Variants in CDYL2 observed in about 807,000 individuals in gnomAD.
CDYL2 encodes the protein chromodomain Y-like protein 2.
CDYL2 carries 23 observed loss-of-function variants against 49.4 expected under a neutral mutation model. The ratio of observed to expected loss-of-function variants is 0.47; its 90% CI spans 0.34 to 0.66. The LOEUF (loss-of-function observed/expected upper bound fraction) is 0.66. Ranked by LOEUF, CDYL2 falls within the 30% of genes least tolerant of loss-of-function variation. The pLI is 0.01. For missense variants in CDYL2, 678 were observed against 656.4 expected, an observed-to-expected ratio of 1.03 and a Z score of -0.36; for synonymous variants, 360 against 268.8, an observed-to-expected ratio of 1.34 and a Z score of -3.32.
chr16:80,694,239 C>G (rs1910533065), intron 1 of CDYL2, among the ~76,000 whole-genome samples: 1 of 152,212 alleles, frequency 6.6e-6, no homozygotes, highest in Non-Finnish European at 1.5e-5. Context: ...CACTGCTGAT[C>G]TGGCAGGAGG....
In CDYL2 at chr16:80,651,884, T is replaced by C. The variant is rs78496803; in HGVS notation, c.617-18648A>G. On this transcript the variant is annotated intron_variant, in intron 2 of 6. Coordinates refer to ENST00000570137, the MANE Select transcript of CDYL2 (RefSeq NM_152342.4). ...GGAATTGAATGATTAAGTAAATGGA[T>C]TGCAGATGGTGGGACTTAGGTTTTC... Among the ~76,000 whole-genome samples the C allele has an allele frequency of 1.0e-3, 159 of 152,322 alleles. No individual in the cohort carries two copies. The East Asian group carries it at 0.024, about 23-fold the overall frequency.
At chr16:80,748,265 G>A (rs746226305) in intron 1 of CDYL2, among the ~76,000 whole-genome samples, 3 of 147,796 alleles carry the variant, frequency 2.0e-5, no homozygotes, top group Non-Finnish European at 4.5e-5. Context: ...GCTGGCTCAC[G>A]CCTGTAATCC....
chr16:80,791,280 G>A (rs1055740809), intron 1 of CDYL2, among the ~76,000 whole-genome samples: 12 of 152,184 alleles, frequency 7.9e-5, no homozygotes, highest in Non-Finnish European at 1.2e-4. Flanking sequence ...TTAAGCATCA[G>A]ACCAAAGAGA....
intron 3 of CDYL2, among the ~76,000 whole-genome samples, chr16:80,632,188 T>G (rs1045598207): frequency 1.3e-5 from 2 of 152,020 alleles, no homozygotes; most frequent in African/African-American, 2.4e-5. Context: ...ATAGAAAAGG[T>G]GATAGATAAA....
intron 2 of CDYL2, among the ~76,000 whole-genome samples, chr16:80,683,995 A>G (rs1438457067): frequency 6.6e-6 from 1 of 152,248 alleles, no homozygotes; most frequent in East Asian, 1.9e-4. Flanking sequence ...CATCCAACCT[A>G]GAGATAGCAG....
rs745896008 is a variant in CDYL2, at chr16:80,633,228, G to C, written c.625C>G (p.Leu209Val). ...TGCAGGTTCAATCCCCCGTTGGTCAGAGCAGAGCCTTCCAAAACCAGATAA... is the reference window on the plus strand; with the variant it reads ...TGCAGGTTCAATCCCCCGTTGGTCACAGCAGAGCCTTCCAAAACCAGATAA... ...TLAENGLGSA[L>V]TNGGLNLHSP... Residue 209 changes from leucine to valine, a missense_variant, in exon 3 of 7, where the codon CTG becomes GTG. By Grantham distance (32) the Leu-to-Val change is conservative. Transcript: ENST00000570137. 8 of 1,612,412 alleles carry C rather than the reference G, an allele frequency of 5.0e-6. No homozygotes were observed. Among genetic ancestry groups the C allele is most frequent in the Non-Finnish European group, 6.8e-6 (8 of 1,178,740 alleles).
chr16:80,636,597 CT>C (rs1567550319), intron 2 of CDYL2, among the ~76,000 whole-genome samples: 1 of 152,156 alleles, frequency 6.6e-6, no homozygotes, highest in African/African-American at 2.4e-5. Context: ...AGCTTTTACA[CT>C]TTTGGTGGGA....
rs35188796 is a variant in CDYL2, at chr16:80,676,963, A to ATTT, written c.616+7572_616+7574dup. 3.5e-3 allele frequency among the ~76,000 whole-genome samples: 211 copies of ATTT among 59,996 alleles called. 1 individual carries two copies. Among genetic ancestry groups the ATTT allele is most frequent in the East Asian group, 0.019 (41 of 2,148 alleles). The allele number at this position is 59,996 out of a possible 152,430, so 39.4% of individuals were successfully genotyped here. On this transcript the variant is annotated intron_variant, in intron 2 of 6. Coordinates refer to ENST00000570137, the MANE Select transcript of CDYL2 (RefSeq NM_152342.4). The stretch of plus-strand genomic sequence containing the variant: ...GACTTTTTAACAACCAATTCAATGT[A>ATTT]TTTTTTTTTTTTTTTTTTTTTTTTT...
intron 1 of CDYL2, among the ~76,000 whole-genome samples, chr16:80,708,819 C>G (rs1426895331): frequency 6.6e-6 from 1 of 151,916 alleles, no homozygotes; most frequent in Admixed American, 6.5e-5. Context: ...TTCTCAGTTC[C>G]AAAGCATCGA....
At chr16:80,725,959 C>G (rs1262247794) in intron 1 of CDYL2, among the ~76,000 whole-genome samples, 1 of 152,196 alleles carries the variant, frequency 6.6e-6, no homozygotes, top group Non-Finnish European at 1.5e-5. Flanking sequence ...TAGTCACTCA[C>G]CTGCTCTTAC....
At chr16:80,625,948 C>T (rs1005198168) in intron 3 of CDYL2, among the ~76,000 whole-genome samples, 6 of 152,042 alleles carry the variant, frequency 3.9e-5, no homozygotes, top group Non-Finnish European at 7.4e-5. Flanking sequence ...AAGGAATGTA[C>T]TTCAAGAAAA....
intron 1 of CDYL2, among the ~76,000 whole-genome samples, chr16:80,799,349 A>T (rs1907857437): frequency 6.6e-6 from 1 of 152,178 alleles, no homozygotes; most frequent in Admixed American, 6.5e-5. Flanking sequence ...CATCCCTATT[A>T]ACACTTCCCC....
chr16:80,804,387 G>C lies in CDYL2; in HGVS notation c.-214C>G, dbSNP rs1306164308. ...GGGCGGCGGCGGGGCTGGCGTAACC[G>C]GCAGCAGCGGCGGCGGCGGCGGCGG... On this transcript the variant is annotated 5_prime_UTR_variant, in exon 1 of 7. Transcript: ENST00000570137. 16 of 188,016 alleles carry C rather than the reference G, an allele frequency of 8.5e-5. No individual in the cohort carries two copies. Among genetic ancestry groups the C allele is most frequent in the Non-Finnish European group, 1.0e-4 (10 of 99,428 alleles). 11.6% of individuals were successfully genotyped at this position (188,016 alleles called of 1,614,324 possible).
intron 2 of CDYL2, among the ~76,000 whole-genome samples, chr16:80,669,450 GC>G (rs1162642458): frequency 6.6e-6 from 1 of 152,042 alleles, no homozygotes; most frequent in Admixed American, 6.6e-5. Flanking sequence ...CCACCTCACT[GC>G]CGTCTTGTGG....
rs192577913 is a variant in CDYL2 at position 80,625,358 on chromosome 16, G to A, written c.835-4423C>T. Reference sequence around the variant, plus strand: ...TCACCTTCTCAGTTTGTGTCACTCTGACAGATTCTTCTGCTTCTCTCATCT... The same window carrying A: ...TCACCTTCTCAGTTTGTGTCACTCTAACAGATTCTTCTGCTTCTCTCATCT... On this transcript the variant is annotated intron_variant, in intron 3 of 6. Coordinates refer to ENST00000570137, the MANE Select transcript of CDYL2 (RefSeq NM_152342.4). Among the ~76,000 whole-genome samples, 14 of 152,286 alleles carry A rather than the reference G, an allele frequency of 9.2e-5. No homozygotes were observed. In the East Asian group the frequency reaches 2.7e-3, roughly 29 times the overall value.
chr16:80,715,356 C>G (rs1295253765), intron 1 of CDYL2, among the ~76,000 whole-genome samples: 1 of 152,164 alleles, frequency 6.6e-6, no homozygotes, highest in East Asian at 1.9e-4. Flanking sequence ...AAGACCATAA[C>G]CACCAACAAT....
chr16:80,629,842 T>C (rs560994712), intron 3 of CDYL2, among the ~76,000 whole-genome samples: 41 of 152,354 alleles, frequency 2.7e-4, no homozygotes, highest in Non-Finnish European at 1.8e-4. Context: ...CTGGTGGACA[T>C]TAAATGGCCT....
chr16:80,613,985 A>G (rs537761328), intron 4 of CDYL2, among the ~76,000 whole-genome samples: 155 of 152,102 alleles, frequency 1.0e-3, no homozygotes, highest in Non-Finnish European at 1.7e-3. Context: ...TCAGAAAAAC[A>G]CCATTATCAG....
chr16:80,755,033 G>C (rs1354543189), intron 1 of CDYL2, among the ~76,000 whole-genome samples: 1 of 152,158 alleles, frequency 6.6e-6, no homozygotes, highest in African/African-American at 2.4e-5. Flanking sequence ...GTGCTTGGGA[G>C]CCAAATAGAC....
Sources: allele counts gnomAD v4.1 joint callset (sites outside exome capture counted in the v4.1 genomes callset), GRCh38; gene constraint gnomAD v4.1.1; transcripts MANE v1.5; gene names NCBI Gene and HGNC (gene_info 2026-07-23, HGNC 2026-07-21).